SEMA5A: variants seen among roughly 807,000 people sequenced by gnomAD.
SEMA5A encodes the protein semaphorin-5A.
A neutral mutation model predicts 135.5 loss-of-function variants in SEMA5A; 55 were observed. The observed-to-expected ratio is 0.41, with a 90% CI of 0.33 to 0.51. The LOEUF (loss-of-function observed/expected upper bound fraction) is 0.51. SEMA5A is among the 20% of genes least tolerant of loss of function. SEMA5A has a pLI of 0.37. For missense variants in SEMA5A, 1,290 were observed against 1,419.9 expected (o/e 0.91, Z 1.47); for synonymous variants, 580 against 546.5 (o/e 1.06, Z -0.85).
At chr5:9,316,701 C>T (rs970323286) in intron 5 of SEMA5A, among the ~76,000 whole-genome samples, 1 of 151,960 alleles carries the variant, frequency 6.6e-6, no homozygotes, top group African/African-American at 2.4e-5. Context: ...TAGTGTACAA[C>T]ATGTCACTTT....
At chr5:9,264,505 G>A (rs1024546766) in intron 5 of SEMA5A, among the ~76,000 whole-genome samples, 6 of 152,266 alleles carry the variant, frequency 3.9e-5, no homozygotes, top group Admixed American at 1.3e-4. Context: ...CATATGCTCC[G>A]GGAATGATTT....
chr5:9,062,978 A>T lies in SEMA5A; in HGVS notation c.2427T>A (p.Arg809=), dbSNP rs1207466621. 4 of 1,614,120 alleles carry T rather than the reference A, an allele frequency of 2.5e-6. No individual in the cohort carries two copies. The highest frequency in any genetic ancestry group is 3.4e-6 in the Non-Finnish European group (4 of 1,180,052). The change falls in exon 18 of 23, where the codon CGT becomes CGA. Residue 809 remains arginine, a synonymous_variant. Transcript: ENST00000382496. ...DCSRGIRNRK[R]VCNNPEPKYG... is the part of the protein sequence containing the mutation. Reference sequence around the variant, plus strand: ...ACTTGGGTTCGGGGTTGTTGCAAACACGCTTCCGGTTCCGAATGCCCCTGC... The same window carrying T: ...ACTTGGGTTCGGGGTTGTTGCAAACTCGCTTCCGGTTCCGAATGCCCCTGC...
rs772661961 is a variant in SEMA5A, at chr5:9,054,281, G to A, written c.2519-24C>T. On this transcript the variant is annotated intron_variant, in intron 18 of 22. Transcript: ENST00000382496. ...CACTGTGAAGAAACACAATGTCACA[G>A]CTCTTCTATAATCCAATCCCAACCA... 5.6e-6 allele frequency: 9 copies of A among 1,604,752 alleles called. No individual in the cohort carries two copies. The South Asian group carries it at 1.0e-4, about 18-fold the overall frequency.
Position 9,281,751 on chromosome 5 carries a change from C to T in SEMA5A, c.270+36621G>A, listed in dbSNP as rs188976658. On this transcript the variant is annotated intron_variant, in intron 5 of 22. Coordinates refer to ENST00000382496, the MANE Select transcript of SEMA5A (RefSeq NM_003966.3). The stretch of plus-strand genomic sequence containing the variant: ...ACCAAGAGATACTGCTGTCCAAGAC[C>T]GGGGAGAAGACGGCATGCTGTGACT... Among the ~76,000 whole-genome samples the T allele has an allele frequency of 5.3e-5, 8 of 151,568 alleles. No homozygotes were observed. In the East Asian group the frequency reaches 9.7e-4, roughly 18 times the overall value.
At chr5:9,181,388 C>A (rs1301776585) in intron 11 of SEMA5A, among the ~76,000 whole-genome samples, 1 of 152,120 alleles carries the variant, frequency 6.6e-6, no homozygotes, top group Admixed American at 6.5e-5. Flanking sequence ...GTATTAATAC[C>A]CTTCAAAAGC....
At chr5:9,080,740 A>T (rs1738333834) in intron 16 of SEMA5A, among the ~76,000 whole-genome samples, 1 of 152,072 alleles carries the variant, frequency 6.6e-6, no homozygotes, top group Non-Finnish European at 1.5e-5. Flanking sequence ...TCCTGCTTAG[A>T]GCCTTCAGAG....
chr5:9,050,652 A>T (rs971353301), intron 20 of SEMA5A, among the ~76,000 whole-genome samples, 195 bp from the exon 21 acceptor site: 2 of 152,348 alleles, frequency 1.3e-5, no homozygotes, highest in Non-Finnish European at 2.9e-5. Context: ...TGGCCAAATC[A>T]CCTTGACTGG....
chr5:9,187,219 T>A (rs1195537031), intron 11 of SEMA5A, among the ~76,000 whole-genome samples: 6 of 149,480 alleles, frequency 4.0e-5, no homozygotes, highest in African/African-American at 1.0e-4. Context: ...TAAAAAAAAA[T>A]ATCCCTTAAA....
rs1382572645 is a variant in SEMA5A, at chr5:9,035,060, T to G, written c.*7837A>C. On this transcript the variant is annotated 3_prime_UTR_variant, in exon 23 of 23. Transcript: ENST00000382496. The stretch of plus-strand genomic sequence containing the variant: ...CCCTAAATGGTAGGATTTATTTCAA[T>G]GCTCACATACAATTGAATGAGACAA... 6.6e-6 allele frequency: 1 copy of G among 152,644 alleles called. No individual in the cohort carries two copies. The highest frequency in any genetic ancestry group is 1.5e-5 in the Non-Finnish European group (1 of 68,042). 9.5% of individuals were successfully genotyped at this position (152,644 alleles called of 1,614,324 possible).
At chr5:9,078,211 A>G (rs1738175522) in intron 16 of SEMA5A, among the ~76,000 whole-genome samples, 1 of 152,218 alleles carries the variant, frequency 6.6e-6, no homozygotes, top group Admixed American at 6.5e-5. Flanking sequence ...ATAGAAGCAA[A>G]TGCCTGTCCT....
chr5:9,339,049 G>A (rs1234825241), intron 3 of SEMA5A, among the ~76,000 whole-genome samples: 1 of 152,104 alleles, frequency 6.6e-6, no homozygotes, highest in African/African-American at 2.4e-5. Flanking sequence ...ATGATAGCTT[G>A]ATTTTTTTAA....
At chr5:9,210,029 G>A (rs751771597) in intron 8 of SEMA5A, among the ~76,000 whole-genome samples, 9 of 152,124 alleles carry the variant, frequency 5.9e-5, no homozygotes, top group East Asian at 1.9e-4. Flanking sequence ...TCTAGTACAC[G>A]TCTGCATGAT....
intron 1 of SEMA5A, among the ~76,000 whole-genome samples, chr5:9,531,361 G>T (rs950314879): frequency 4.6e-5 from 7 of 152,198 alleles, no homozygotes; most frequent in Non-Finnish European, 8.8e-5. Context: ...TCCTGGCTTT[G>T]TGTGGTTTGA....
chr5:9,276,716 A>G (rs1750282297), intron 5 of SEMA5A, among the ~76,000 whole-genome samples: 1 of 152,220 alleles, frequency 6.6e-6, no homozygotes, highest in Admixed American at 6.5e-5. Context: ...TGGGGAAAGG[A>G]TTCCCTCTTT....
chr5:9,051,596 A>G (rs1481796916), intron 20 of SEMA5A, among the ~76,000 whole-genome samples: 1 of 152,180 alleles, frequency 6.6e-6, no homozygotes, highest in Non-Finnish European at 1.5e-5. Flanking sequence ...TAATAACCAA[A>G]TATTTTCATT....
chr5:9,069,838 C>A (rs1471335565), intron 16 of SEMA5A, among the ~76,000 whole-genome samples: 1 of 152,106 alleles, frequency 6.6e-6, no homozygotes, highest in Admixed American at 6.5e-5. Context: ...CCAATGAATG[C>A]CATAAACCCA....
chr5:9,381,942 T>TGTG (rs1755628173), intron 2 of SEMA5A, among the ~76,000 whole-genome samples: 3 of 109,304 alleles, frequency 2.7e-5, no homozygotes, highest in Admixed American at 9.3e-5. Context: ...TAGAATCATT[T>TGTG]TGTGTGTGTG....
rs3034563 is a variant in SEMA5A, at chr5:9,284,106, T to TAGAGAGAGAG, written c.270+34256_270+34265dup. ...TAACAGGTAATAGATAGATAGATATTAGAGAGAGAGAGAGAGAGAGAGAGA... is the reference window on the plus strand; with the variant it reads ...TAACAGGTAATAGATAGATAGATATTAGAGAGAGAGAGAGAGAGAGAGAGAGAGAGAGAGA... On this transcript the variant is annotated intron_variant, in intron 5 of 22. Coordinates refer to ENST00000382496, the MANE Select transcript of SEMA5A (RefSeq NM_003966.3). 4.4e-3 allele frequency among the ~76,000 whole-genome samples: 650 copies of TAGAGAGAGAG among 148,588 alleles called. 4 individuals are homozygous for TAGAGAGAGAG. The highest frequency in any genetic ancestry group is 0.015 in the African/African-American group (623 of 40,322).
At chr5:9,477,368 T>C (rs1026421573) in intron 1 of SEMA5A, among the ~76,000 whole-genome samples, 1 of 152,166 alleles carries the variant, frequency 6.6e-6, no homozygotes, top group African/African-American at 2.4e-5. Context: ...GAAGCAACCT[T>C]TGAACTGCGT....
Sources: allele counts gnomAD v4.1 joint callset (sites outside exome capture counted in the v4.1 genomes callset), GRCh38; gene constraint gnomAD v4.1.1; transcripts MANE v1.5; gene names NCBI Gene and HGNC (gene_info 2026-07-23, HGNC 2026-07-21).